CADM2: variants seen among roughly 807,000 people sequenced by gnomAD.
CADM2 encodes immunoglobulin superfamily member 4D.
CADM2 carries 12 observed loss-of-function variants against 49.8 expected under a neutral mutation model. The observed-to-expected ratio is 0.24, with a 90% CI of 0.15 to 0.39. The LOEUF (loss-of-function observed/expected upper bound fraction) is 0.39. Ranked by LOEUF, CADM2 falls within the 10% of genes least tolerant of loss-of-function variation. CADM2 has a pLI of 1.00. For synonymous variants in CADM2, 214 were observed against 175.4 expected (o/e 1.22, Z -1.74); for missense variants, 378 against 492.3 (o/e 0.77, Z 2.20).
intron 1 of CADM2, among the ~76,000 whole-genome samples, chr3:85,107,848 C>A (rs768785794): frequency 1.3e-5 from 2 of 151,426 alleles, no homozygotes. Flanking sequence ...AACAGGCCTG[C>A]ACCATCACAC....
At chr3:85,816,085 T>C (rs1229717875) in intron 3 of CADM2, among the ~76,000 whole-genome samples, 2 of 152,056 alleles carry the variant, frequency 1.3e-5, no homozygotes, top group African/African-American at 4.8e-5. Context: ...TTTGATAAGA[T>C]GTATTATTTA....
chr3:85,377,867 A>G (rs2033683661), intron 1 of CADM2, among the ~76,000 whole-genome samples: 1 of 152,070 alleles, frequency 6.6e-6, no homozygotes, highest in African/African-American at 2.4e-5. Flanking sequence ...GATGCGAATT[A>G]CCATCAGAAA....
intron 1 of CADM2, among the ~76,000 whole-genome samples, chr3:85,348,836 T>A (rs1430286561): frequency 6.6e-6 from 1 of 152,172 alleles, no homozygotes; most frequent in Non-Finnish European, 1.5e-5. Context: ...AATCCAATTT[T>A]AAAATATTGT....
chr3:85,166,443 C>T (rs888141817), intron 1 of CADM2, among the ~76,000 whole-genome samples: 2 of 151,636 alleles, frequency 1.3e-5, no homozygotes, highest in African/African-American at 4.8e-5. Flanking sequence ...CATAATTATC[C>T]TATTCAGATT....
chr3:85,985,166 G>A (rs1033572979), intron 8 of CADM2, among the ~76,000 whole-genome samples: 2 of 151,912 alleles, frequency 1.3e-5, no homozygotes, highest in African/African-American at 4.8e-5. Context: ...TGGAGGCTGG[G>A]AAAGCCAAGA....
chr3:85,160,822 G>A (rs1253205026), intron 1 of CADM2, among the ~76,000 whole-genome samples: 2 of 152,036 alleles, frequency 1.3e-5, no homozygotes, highest in East Asian at 1.9e-4. Flanking sequence ...AATTGGAAGT[G>A]TTTTCCATCT....
At chr3:86,006,188 A>C (rs1730768153) in intron 8 of CADM2, among the ~76,000 whole-genome samples, 1 of 152,178 alleles carries the variant, frequency 6.6e-6, no homozygotes, top group Admixed American at 6.5e-5. Context: ...AAGGACCAGG[A>C]ATTATTTTAC....
intron 1 of CADM2, among the ~76,000 whole-genome samples, chr3:85,506,770 T>G (rs73126392): frequency 6.6e-6 from 1 of 151,970 alleles, no homozygotes; most frequent in South Asian, 2.1e-4. Context: ...TTAACTGATA[T>G]ATACTTCATG....
chr3:85,062,626 A>G (rs1216331139), intron 1 of CADM2, among the ~76,000 whole-genome samples: 2 of 151,852 alleles, frequency 1.3e-5, no homozygotes, highest in African/African-American at 4.8e-5. Context: ...AATTCTATAA[A>G]TGACTTATCA....
intron 8 of CADM2, among the ~76,000 whole-genome samples, chr3:85,986,588 C>T (rs1728143933): frequency 6.6e-6 from 1 of 151,914 alleles, no homozygotes; most frequent in Admixed American, 6.6e-5. Flanking sequence ...TCCAGATGGT[C>T]CATATAGAGA....
intron 1 of CADM2, among the ~76,000 whole-genome samples, chr3:85,024,617 C>T (rs2034645246): frequency 6.6e-6 from 1 of 150,764 alleles, no homozygotes; most frequent in Admixed American, 6.6e-5. Flanking sequence ...TGAGATGTTA[C>T]TATGATATCG....
At chr3:85,918,907 G>A (rs1718737925) in intron 6 of CADM2, among the ~76,000 whole-genome samples, 1 of 151,866 alleles carries the variant, frequency 6.6e-6, no homozygotes, top group Non-Finnish European at 1.5e-5. Flanking sequence ...TTAAATCTCA[G>A]TATAAATAAT....
chr3:85,736,440 G>C (rs1478000556), intron 2 of CADM2, among the ~76,000 whole-genome samples: 1 of 152,156 alleles, frequency 6.6e-6, no homozygotes, highest in African/African-American at 2.4e-5. Context: ...TCAGAAAAAT[G>C]CTGAATAACT....
At position 85,966,882 on chromosome 3, in the gene CADM2, G is replaced by A. The variant is rs536317316; in HGVS notation, c.970+5235G>A. Among the ~76,000 whole-genome samples the A allele has an allele frequency of 3.8e-4, 58 of 151,662 alleles. 1 individual carries two copies. Among genetic ancestry groups the A allele is most frequent in the African/African-American group, 1.3e-3 (54 of 41,476 alleles). On this transcript the variant is annotated intron_variant, in intron 8 of 9. Coordinates refer to ENST00000383699, the MANE Select transcript of CADM2 (RefSeq NM_001167675.2). ...GTAACATATATAGAGAATAGGATAC[G>A]TCATATTTTATTGTTAGTTGGTAGG... is the stretch of plus-strand genomic sequence containing the variant.
At chr3:85,597,139 A>G (rs992110018) in intron 1 of CADM2, among the ~76,000 whole-genome samples, 1 of 152,074 alleles carries the variant, frequency 6.6e-6, no homozygotes, top group Non-Finnish European at 1.5e-5. Flanking sequence ...GTAATGTTTT[A>G]TGGAGAGGGG....
At chr3:85,375,770 C>T (rs2033559116) in intron 1 of CADM2, among the ~76,000 whole-genome samples, 1 of 152,148 alleles carries the variant, frequency 6.6e-6, no homozygotes, top group African/African-American at 2.4e-5. Context: ...ACTTGGTTCC[C>T]AATTATTTCT....
chr3:85,225,463 T>G (rs1052081926), intron 1 of CADM2, among the ~76,000 whole-genome samples: 2 of 152,160 alleles, frequency 1.3e-5, no homozygotes, highest in African/African-American at 4.8e-5. Context: ...CATCCGGAGA[T>G]GTTGCTGAAG....
At chr3:85,807,934 G>A (rs910879631) in intron 3 of CADM2, among the ~76,000 whole-genome samples, 1 of 152,096 alleles carries the variant, frequency 6.6e-6, no homozygotes, top group African/African-American at 2.4e-5. Context: ...GGGGGACATT[G>A]TGGCACAGGA....
At chr3:85,668,427 A>G (rs2065640423) in intron 1 of CADM2, among the ~76,000 whole-genome samples, 1 of 152,012 alleles carries the variant, frequency 6.6e-6, no homozygotes, top group Non-Finnish European at 1.5e-5. Flanking sequence ...TTTATGATTG[A>G]TATGGTTTGG....
Sources: gnomAD v4.1 joint callset for allele counts (sites outside exome capture counted in the v4.1 genomes callset) on GRCh38, gnomAD v4.1.1 for gene constraint, MANE v1.5 for transcripts, NCBI Gene and HGNC (gene_info 2026-07-23, HGNC 2026-07-21) for gene names.